Variants in CACNA1B observed in about 807,000 individuals in gnomAD.
CACNA1B encodes the protein voltage-dependent N-type calcium channel subunit alpha-1B.
A neutral mutation model predicts 247.2 loss-of-function variants in CACNA1B; 70 were observed. The observed-to-expected ratio is 0.28, with a 90% CI of 0.23 to 0.35. The LOEUF (loss-of-function observed/expected upper bound fraction) is 0.35, where lower values mean the gene tolerates loss of function less well. Ranked by LOEUF, CACNA1B falls within the 10% of genes least tolerant of loss-of-function variation. CACNA1B has a pLI of 1.00. For synonymous variants in CACNA1B, 1,231 were observed against 1,294.4 expected (o/e 0.95, Z 1.05); for missense variants, 2,367 against 3,197.4 (o/e 0.74, Z 6.26).
Position 138,059,121 on chromosome 9 carries a change from C to T in CACNA1B, c.4516C>T (p.Leu1506=). The T allele has an allele frequency of 1.2e-6, 2 of 1,613,178 alleles. No homozygotes were observed. The part of the protein sequence containing the change: ...PYEYELMLKC[L]NIVFTSMFSM... ...TGAGTACGAGCTGATGCTGAAATGC[C>T]TGAACATCGTGTTCACATCCATGTT... Residue 1506 remains leucine, a synonymous_variant, in exon 30 of 47, where the codon CTG becomes TTG. Transcript: ENST00000371372. This position sits in a 1 kb window ranked among gnomAD's most constrained non-coding sequence, Gnocchi z 4.2.
chr9:138,120,943 C>T (rs1962070551), intron 46 of CACNA1B, 62 bp downstream of exon 46: 5 of 1,498,908 alleles, frequency 3.3e-6, no homozygotes, highest in Non-Finnish European at 4.4e-6. Flanking sequence ...GCACCCCTGT[C>T]CCACAGGCTC....
rs954821821 is a variant in CACNA1B at position 138,010,116 on chromosome 9, C to G, written c.2160+39C>G. ...GGGAGGGACCGGTGTCAGCCCATGTCACTTGAATGTGGCCGCAGCCAGGAA... is the reference window on the plus strand; with the variant it reads ...GGGAGGGACCGGTGTCAGCCCATGTGACTTGAATGTGGCCGCAGCCAGGAA... On this transcript the variant is annotated intron_variant, in intron 17 of 46. Transcript: ENST00000371372. The surrounding 1 kb of genome is among the most constrained non-coding windows in gnomAD (Gnocchi z 5.3). 1 of 1,533,860 alleles carries G rather than the reference C, an allele frequency of 6.5e-7. No individual in the cohort carries two copies. Among genetic ancestry groups the G allele is most frequent in the Non-Finnish European group, 9.0e-7 (1 of 1,107,200 alleles).
intron 13 of CACNA1B, among the ~76,000 whole-genome samples, chr9:137,984,471 T>TA (rs1958332874): frequency 6.6e-6 from 1 of 152,248 alleles, no homozygotes; most frequent in African/African-American, 2.4e-5. Context: ...GCACACCCTT[T>TA]AGCTTTCTTG....
chr9:138,111,030 A>G (rs1195531648), intron 39 of CACNA1B, among the ~76,000 whole-genome samples: 1 of 151,966 alleles, frequency 6.6e-6, no homozygotes, highest in Non-Finnish European at 1.5e-5. Flanking sequence ...GGAGTTGCCA[A>G]AATGCTTTTC....
chr9:137,879,944 C>T (rs73585372), intron 2 of CACNA1B, among the ~76,000 whole-genome samples: 59 of 152,252 alleles, frequency 3.9e-4, no homozygotes, highest in African/African-American at 1.3e-3. Flanking sequence ...TCCGAGTGTG[C>T]CTAAAGACTG....
Position 138,025,167 on chromosome 9 carries a change from T to C in CACNA1B, c.3281T>C (p.Val1094Ala). ...GGCCCTCTTGGGGAAGCCACGGTCG[T>C]TCCCAGTGAGTATCTCCCTGTGCCA... ...LTGPLGEATV[V>A]PSGNVDLESQ... The change falls in exon 20 of 47, where the codon GTT becomes GCT. Residue 1094 changes from valine (V) to alanine (A), a missense_variant. Val to Ala is a moderately conservative substitution (Grantham distance 64). Coordinates refer to ENST00000371372, the MANE Select transcript of CACNA1B (RefSeq NM_000718.4). 1.2e-6 allele frequency: 2 copies of C among 1,605,326 alleles called. No individual in the cohort carries two copies. Among genetic ancestry groups the C allele is most frequent in the Non-Finnish European group, 1.7e-6 (2 of 1,174,912 alleles).
Position 137,917,131 on chromosome 9 carries a change from G to T in CACNA1B, c.776-110G>T, listed in dbSNP as rs1036673327. ...AGTTGAGGGAGAGTTTCTGTTGGTG[G>T]CTGGTTCCTGCCCACCTGCTGTGAG... On this transcript the variant is annotated intron_variant, in intron 5 of 46. Coordinates refer to ENST00000371372, the MANE Select transcript of CACNA1B (RefSeq NM_000718.4). The surrounding 1 kb of genome is among the most constrained non-coding windows in gnomAD (Gnocchi z 5.5). 14 of 913,556 alleles carry T rather than the reference G, an allele frequency of 1.5e-5. No homozygotes were observed. The highest frequency in any genetic ancestry group is 2.2e-5 in the Non-Finnish European group (13 of 602,688). 56.6% of individuals were successfully genotyped at this position (913,556 alleles called of 1,614,324 possible).
chr9:138,057,586 C>A lies in CACNA1B; in HGVS notation c.3969-146C>A. 2 of 686,658 alleles carry A rather than the reference C, an allele frequency of 2.9e-6. No homozygotes were observed. The highest frequency in any genetic ancestry group is 2.8e-5 in the East Asian group (1 of 36,244). The allele number at this position is 686,658 out of a possible 1,614,324, so 42.5% of individuals were successfully genotyped here. On this transcript the variant is annotated intron_variant, in intron 26 of 46. Transcript: ENST00000371372. The surrounding 1 kb of genome is among the most constrained non-coding windows in gnomAD (Gnocchi z 4.0). ...GGAGTAAAGTAGGGTCACATTCATTCTTCTGCATGTGGACATCCAGTTTTC... is the reference window on the plus strand; with the variant it reads ...GGAGTAAAGTAGGGTCACATTCATTATTCTGCATGTGGACATCCAGTTTTC...
intron 36 of CACNA1B, among the ~76,000 whole-genome samples, chr9:138,084,005 C>G (rs1178292928): frequency 6.6e-6 from 1 of 150,842 alleles, no homozygotes; most frequent in African/African-American, 2.5e-5. Context: ...CTTCTCAGGC[C>G]CAAAACTCCA....
Position 138,120,628 on chromosome 9 carries a change from C to A in CACNA1B, c.6239-3C>A. The A allele has an allele frequency of 6.7e-7, 1 of 1,492,710 alleles. No individual in the cohort carries two copies. The highest frequency in any genetic ancestry group is 8.9e-7 in the Non-Finnish European group (1 of 1,125,626). The allele number at this position is 1,492,710 out of a possible 1,614,324, so 92.5% of individuals were successfully genotyped here. On this transcript the variant is annotated splice_polypyrimidine_tract_variant and splice_region_variant and intron_variant, in intron 45 of 46. Transcript: ENST00000371372. Reference sequence around the variant, plus strand: ...GTGCTAACTTCTTCTCTTCCCTGGCCAGCACCAAGCAGTGCTGTGGGGCCG... The same window carrying A: ...GTGCTAACTTCTTCTCTTCCCTGGCAAGCACCAAGCAGTGCTGTGGGGCCG...
intron 44 of CACNA1B, 91 bp downstream of exon 44, chr9:138,118,859 G>A (rs1961972246): frequency 1.5e-6 from 1 of 666,618 alleles, no homozygotes; most frequent in Admixed American, 2.7e-5. Context: ...CAGGTGAGGA[G>A]AGCTGGGGTA....
In CACNA1B at chr9:138,058,258, G is replaced by A. The variant is rs756972999; in HGVS notation, c.4308+8G>A. On this transcript the variant is annotated splice_region_variant and intron_variant, in intron 28 of 46. Coordinates refer to ENST00000371372, the MANE Select transcript of CACNA1B (RefSeq NM_000718.4). The surrounding 1 kb of genome is among the most constrained non-coding windows in gnomAD (Gnocchi z 4.7). ...AGCCTGGAGAAGAACGAGGTAGGTG[G>A]ACGCTCTGTGGAGTCTTGCAGTGGA... The A allele has an allele frequency of 5.0e-6, 8 of 1,609,004 alleles. No individual in the cohort carries two copies. The highest frequency in any genetic ancestry group is 1.1e-5 in the South Asian group (1 of 90,990).
At chr9:138,099,076 AAAC>A (rs1323606057) in intron 37 of CACNA1B, among the ~76,000 whole-genome samples, 2 of 152,360 alleles carry the variant, frequency 1.3e-5, no homozygotes, top group African/African-American at 4.8e-5. Context: ...AGAAACTTTG[AAAC>A]AACAACAAAA....
intron 31 of CACNA1B, among the ~76,000 whole-genome samples, chr9:138,069,531 GT>G (rs1960045266): frequency 3.9e-5 from 6 of 152,140 alleles, no homozygotes; most frequent in Non-Finnish European, 8.8e-5. Flanking sequence ...TAATTTTCTA[GT>G]TAAGTAATCA....
rs117859548 is a variant in CACNA1B, at chr9:137,888,547, G to A, written c.530+5664G>A. ...GAAACACATCCTGGCTCAGGCAGGTGGCTCTCCGGGGGAGCTTTCCAACCA... is the reference window on the plus strand; with the variant it reads ...GAAACACATCCTGGCTCAGGCAGGTAGCTCTCCGGGGGAGCTTTCCAACCA... On this transcript the variant is annotated intron_variant, in intron 3 of 46. Coordinates refer to ENST00000371372, the MANE Select transcript of CACNA1B (RefSeq NM_000718.4). The surrounding 1 kb of genome is among the most constrained non-coding windows in gnomAD (Gnocchi z 4.7). Among the ~76,000 whole-genome samples the A allele has an allele frequency of 3.0e-3, 459 of 152,354 alleles. No individual in the cohort carries two copies. Among genetic ancestry groups the A allele is most frequent in the Middle Eastern group, 0.02 (6 of 294 alleles).
chr9:138,117,889 G>T, intron 42 of CACNA1B, 57 bp from the exon 43 acceptor site: 4 of 1,434,926 alleles, frequency 2.8e-6, no homozygotes, highest in South Asian at 3.0e-5. Flanking sequence ...CCAGGCTATT[G>T]GTAAGGCACC....
Position 137,899,337 on chromosome 9 carries a change from C to G in CACNA1B, c.531-13843C>G, listed in dbSNP as rs1403634348. Among the ~76,000 whole-genome samples, 1 of 152,110 alleles carries G rather than the reference C, an allele frequency of 6.6e-6. No homozygotes were observed. Among genetic ancestry groups the G allele is most frequent in the Non-Finnish European group, 1.5e-5 (1 of 68,012 alleles). On this transcript the variant is annotated intron_variant, in intron 3 of 46. Transcript: ENST00000371372. The surrounding 1 kb of genome is among the most constrained non-coding windows in gnomAD (Gnocchi z 5.0). ...CGAACTCCTGATCTCAGATGATCCACCTGTCTTGGCCTCCCAAAGCGCTGG... is the reference window on the plus strand; with the variant it reads ...CGAACTCCTGATCTCAGATGATCCAGCTGTCTTGGCCTCCCAAAGCGCTGG...
At chr9:137,887,969 T>G in intron 3 of CACNA1B, among the ~76,000 whole-genome samples, 3 of 137,652 alleles carry the variant, frequency 2.2e-5, no homozygotes, top group Admixed American at 7.2e-5. Context: ...GGGTGGCCCC[T>G]GGGGAGCAGC....
chr9:138,088,403 T>C (rs1009279286), intron 36 of CACNA1B, among the ~76,000 whole-genome samples: 1 of 151,962 alleles, frequency 6.6e-6, no homozygotes, highest in Non-Finnish European at 1.5e-5. Flanking sequence ...AAAAGATAAT[T>C]GACAAACCAT....
Sources: allele counts gnomAD v4.1 joint callset (sites outside exome capture counted in the v4.1 genomes callset), GRCh38; gene constraint gnomAD v4.1.1; non-coding constraint Gnocchi (gnomAD v3.1); transcripts MANE v1.5; gene names NCBI Gene and HGNC (gene_info 2026-07-23, HGNC 2026-07-21).